CNTNAP2: variants seen among roughly 807,000 people sequenced by gnomAD.
CNTNAP2 encodes the protein contactin-associated protein-like 2.
In CNTNAP2, 98 loss-of-function variants were observed where a neutral mutation model predicts 155.2. The ratio of observed to expected loss-of-function variants is 0.63; its 90% CI spans 0.54 to 0.75. The LOEUF (loss-of-function observed/expected upper bound fraction) is 0.75. Among genes scored for constraint, CNTNAP2 ranks in the 30% least tolerant of loss-of-function variants. CNTNAP2 has a pLI of 0.00. For missense variants in CNTNAP2, 1,727 were observed against 1,688.1 expected (o/e 1.02, Z -0.40); for synonymous variants, 651 against 631.2 (o/e 1.03, Z -0.47).
chr7:148,230,012 G>A (rs920575674), intron 20 of CNTNAP2, among the ~76,000 whole-genome samples: 7 of 152,264 alleles, frequency 4.6e-5, no homozygotes, highest in Admixed American at 2.6e-4. Context: ...TGTTTATTCC[G>A]TATAGTCTTT....
intron 8 of CNTNAP2, among the ~76,000 whole-genome samples, chr7:147,225,753 AGG>A (rs1803508392): frequency 1.7e-5 from 1 of 60,280 alleles, no homozygotes; most frequent in Non-Finnish European, 3.3e-5. Flanking sequence ...GAAGGAAGGA[AGG>A]AAGGAAGGAA....
chr7:146,665,287 TTCTG>T (rs894702565), intron 1 of CNTNAP2, among the ~76,000 whole-genome samples: 1 of 152,148 alleles, frequency 6.6e-6, no homozygotes, highest in Non-Finnish European at 1.5e-5. Context: ...TTCTCTCTCT[TTCTG>T]TCAGTAATCT....
intron 13 of CNTNAP2, among the ~76,000 whole-genome samples, chr7:147,765,914 A>T (rs369464785): frequency 1.3e-5 from 2 of 152,238 alleles, no homozygotes; most frequent in Non-Finnish European, 2.9e-5. Context: ...CAAACTGCTG[A>T]CATTGGTTAC....
chr7:146,638,229 T>G (rs1799631783), intron 1 of CNTNAP2, among the ~76,000 whole-genome samples: 1 of 152,168 alleles, frequency 6.6e-6, no homozygotes, highest in African/African-American at 2.4e-5. Context: ...GAACTGACAG[T>G]GACTTAAATT....
intron 15 of CNTNAP2, among the ~76,000 whole-genome samples, chr7:148,079,268 C>T (rs1035055009): frequency 2.0e-5 from 3 of 152,158 alleles, no homozygotes; most frequent in Non-Finnish European, 4.4e-5. Context: ...GTAAGATATA[C>T]TTTGGTTTTG....
chr7:147,145,277 G>C, intron 8 of CNTNAP2, among the ~76,000 whole-genome samples: 1 of 152,142 alleles, frequency 6.6e-6, no homozygotes, highest in Non-Finnish European at 1.5e-5. Flanking sequence ...AGCTAGGAGT[G>C]ATTTTGACCC....
chr7:147,549,720 T>C (rs1399211558), intron 11 of CNTNAP2, among the ~76,000 whole-genome samples: 1 of 152,170 alleles, frequency 6.6e-6, no homozygotes, highest in African/African-American at 2.4e-5. Flanking sequence ...GTATAAGGGA[T>C]GAGTCAAGGG....
In CNTNAP2 at chr7:148,147,664, A is replaced by G. The variant is rs1366092457; in HGVS notation, c.2728A>G (p.Thr910Ala). 5 of 1,614,060 alleles carry G rather than the reference A, an allele frequency of 3.1e-6. No homozygotes were observed. The highest frequency in any genetic ancestry group is 4.2e-6 in the Non-Finnish European group (5 of 1,180,020). Residue 910 changes from threonine (T) to alanine (A), a missense_variant, in exon 17 of 24, where the codon ACA becomes GCA. Thr to Ala is a moderately conservative substitution (Grantham distance 58). Coordinates refer to ENST00000361727, the MANE Select transcript of CNTNAP2 (RefSeq NM_014141.6). ...RLPQQIRKAP[T>A]EGHTRLELYS... ...ACCGCAGCAGATCCGCAAGGCCCCA[A>G]CAGAAGGCCACACCCGCCTGGAGCT...
chr7:147,059,565 TG>T (rs1196258809), intron 4 of CNTNAP2, among the ~76,000 whole-genome samples: 8 of 152,074 alleles, frequency 5.3e-5, no homozygotes, highest in African/African-American at 1.9e-4. Flanking sequence ...GAGGAAATAG[TG>T]GGTGGTTTGG....
intron 2 of CNTNAP2, among the ~76,000 whole-genome samples, chr7:146,831,767 A>C (rs932167827): frequency 6.7e-6 from 1 of 148,870 alleles, no homozygotes; most frequent in African/African-American, 2.5e-5. Context: ...ATACTCAGTT[A>C]GTAGTTTTGC....
At chr7:148,030,532 A>AT (rs35549948) in intron 15 of CNTNAP2, among the ~76,000 whole-genome samples, 49,580 of 151,928 alleles carry the variant, frequency 0.33, 9,620 homozygotes, top group East Asian at 0.77. Flanking sequence ...TGTCATTAAA[A>AT]AAGAATCAGA....
chr7:147,054,527 A>T (rs943970486), intron 4 of CNTNAP2, among the ~76,000 whole-genome samples: 3 of 152,112 alleles, frequency 2.0e-5, no homozygotes, highest in African/African-American at 7.2e-5. Flanking sequence ...GTCCATCAAC[A>T]TTTCACTTAT....
At chr7:146,346,258 G>A (rs561102943) in intron 1 of CNTNAP2, among the ~76,000 whole-genome samples, 60 of 152,240 alleles carry the variant, frequency 3.9e-4, no homozygotes, top group African/African-American at 8.9e-4. Context: ...ATTTACAGCC[G>A]CTCCCCATTG....
rs749205725 is a variant in CNTNAP2 at position 147,132,496 on chromosome 7, C to T, written c.1335C>T (p.Ile445=). The change falls in exon 8 of 24, where the codon ATC becomes ATT. Residue 445 remains isoleucine (I), a synonymous_variant. Transcript: ENST00000361727. The stretch of plus-strand genomic sequence containing the variant: ...TCACACAGACCAAGATGAGCCAAAT[C>T]GATATTTCCTCAGGTCAGTGAAACC... ...INITQTKMSQ[I]DISSGSGLND... is the part of the protein sequence containing the mutation. 9.3e-6 allele frequency: 15 copies of T among 1,613,324 alleles called. No individual in the cohort carries two copies. The highest frequency in any genetic ancestry group is 1.3e-5 in the Non-Finnish European group (15 of 1,179,612).
At chr7:146,133,365 C>T (rs1797746716) in intron 1 of CNTNAP2, among the ~76,000 whole-genome samples, 2 of 151,774 alleles carry the variant, frequency 1.3e-5, no homozygotes, top group Non-Finnish European at 2.9e-5. Context: ...TTGTAGGTTG[C>T]CTGTTCACTC....
intron 15 of CNTNAP2, among the ~76,000 whole-genome samples, chr7:148,067,113 T>C (rs1803280403): frequency 6.6e-6 from 1 of 152,246 alleles, no homozygotes; most frequent in African/African-American, 2.4e-5. Context: ...ATTTGAAGAT[T>C]TCTTATTGGT....
At chr7:148,294,806 G>A (rs1016066489) in intron 21 of CNTNAP2, among the ~76,000 whole-genome samples, 4 of 151,980 alleles carry the variant, frequency 2.6e-5, no homozygotes, top group African/African-American at 9.7e-5. Context: ...ACATACTTGA[G>A]GTGGCAAAAA....
At chr7:147,861,558 A>G (rs1462429268) in intron 13 of CNTNAP2, among the ~76,000 whole-genome samples, 1 of 152,202 alleles carries the variant, frequency 6.6e-6, no homozygotes, top group Non-Finnish European at 1.5e-5. Context: ...CCAATCTCAC[A>G]AAGTTTGCAA....
At chr7:147,921,077 G>C (rs1416633338) in intron 14 of CNTNAP2, among the ~76,000 whole-genome samples, 1 of 151,932 alleles carries the variant, frequency 6.6e-6, no homozygotes, top group East Asian at 1.9e-4. Context: ...CCAAAGTGCT[G>C]AGATTACAGG....
Sources: allele counts gnomAD v4.1 joint callset (sites outside exome capture counted in the v4.1 genomes callset), GRCh38; gene constraint gnomAD v4.1.1; transcripts MANE v1.5; gene names NCBI Gene and HGNC (gene_info 2026-07-23, HGNC 2026-07-21).